The following TCF4 variants were observed in gnomAD, a reference collection of about 807,000 sequenced individuals.
The protein encoded by TCF4 is transcription factor 4, also known as SL3-3 enhancer factor 2.
In TCF4, 3 loss-of-function variants were observed where a neutral mutation model predicts 82.1. The ratio of observed to expected loss-of-function variants is 0.04; its 90% CI spans 0.02 to 0.09. TCF4 has a LOEUF of 0.09. Ranked by LOEUF, TCF4 falls within the 10% of genes least tolerant of loss-of-function variation. TCF4 has a pLI of 1.00. For synonymous variants in TCF4, 276 were observed against 309.6 expected, an observed-to-expected ratio of 0.89 and a Z score of 1.14; for missense variants, 518 against 852.7, an observed-to-expected ratio of 0.61 and a Z score of 4.89.
rs1049034296 is a variant in TCF4, at chr18:55,532,758, G to A, written c.145+52522C>T. On this transcript the variant is annotated intron_variant, in intron 3 of 19. Transcript: ENST00000354452. ...GGCAATTCCTGTCCCTTTACTCTTC[G>A]AAAGAGTTCACAGAAATGCCATGAC... Among the ~76,000 whole-genome samples, 169 of 152,062 alleles carry A rather than the reference G, an allele frequency of 1.1e-3. 1 individual carries two copies. The highest frequency in any genetic ancestry group is 2.6e-3 in the Admixed American group (39 of 15,266).
chr18:55,252,760 C>A (rs1033721222), intron 15 of TCF4, among the ~76,000 whole-genome samples: 1 of 152,044 alleles, frequency 6.6e-6, no homozygotes, highest in Non-Finnish European at 1.5e-5. Context: ...AACTATTTTT[C>A]TGTTGATTGA....
intron 3 of TCF4, among the ~76,000 whole-genome samples, chr18:55,544,967 C>T (rs2097193615): frequency 1.3e-5 from 2 of 152,148 alleles, no homozygotes; most frequent in Admixed American, 6.5e-5. Context: ...TCATGCACAG[C>T]CAGGTGTTAC....
intron 3 of TCF4, among the ~76,000 whole-genome samples, chr18:55,560,801 T>G (rs2097348809): frequency 6.6e-6 from 1 of 152,178 alleles, no homozygotes; most frequent in Non-Finnish European, 1.5e-5. Flanking sequence ...TGAACTCCTT[T>G]TTTTTTTCAG....
At chr18:55,278,004 C>G (rs548669029) in intron 9 of TCF4, among the ~76,000 whole-genome samples, 1 of 152,244 alleles carries the variant, frequency 6.6e-6, no homozygotes, top group East Asian at 1.9e-4. Context: ...TAGGACGGGT[C>G]ACAAAGTTAA....
At chr18:55,313,150 C>A (rs1228863117) in intron 8 of TCF4, among the ~76,000 whole-genome samples, 1 of 152,030 alleles carries the variant, frequency 6.6e-6, no homozygotes, top group Non-Finnish European at 1.5e-5. Context: ...CAGAGAAGAA[C>A]ATCATTTTTA....
intron 13 of TCF4, among the ~76,000 whole-genome samples, chr18:55,259,221 G>GT (rs2057515826): frequency 1.3e-5 from 2 of 151,976 alleles, no homozygotes; most frequent in South Asian, 2.1e-4. Flanking sequence ...CTGTTGTTTT[G>GT]TTTTTTTAAT....
At chr18:55,630,760 T>C (rs17527346) in intron 2 of TCF4, among the ~76,000 whole-genome samples, 3,232 of 152,268 alleles carry the variant, frequency 0.021, 69 homozygotes, top group Non-Finnish European at 0.026. Flanking sequence ...TATGAGACCA[T>C]ATAAATAGAG....
chr18:55,481,626 C>T (rs2096434411), intron 3 of TCF4, among the ~76,000 whole-genome samples: 8 of 152,200 alleles, frequency 5.3e-5, no homozygotes. Flanking sequence ...TTAAAAACAT[C>T]TAAATTCAGG....
chr18:55,585,529 C>G lies in TCF4; in HGVS notation c.73-177G>C, dbSNP rs1219465704. ...GAGAAACAACATTACAGATCCCACC[C>G]CAGCCCCCATTATCACTCTGTTCTT... On this transcript the variant is annotated intron_variant, in intron 2 of 19. Coordinates refer to ENST00000354452, the MANE Select transcript of TCF4 (RefSeq NM_001083962.2). The G allele has an allele frequency of 4.4e-6, 3 of 683,786 alleles. No individual in the cohort carries two copies. In the East Asian group the frequency reaches 8.6e-5, roughly 20 times the overall value. The allele number at this position is 683,786 out of a possible 1,614,324, so 42.4% of individuals were successfully genotyped here.
chr18:55,391,815 G>A (rs1228034520), intron 6 of TCF4, among the ~76,000 whole-genome samples: 1 of 150,970 alleles, frequency 6.6e-6, no homozygotes, highest in Non-Finnish European at 1.5e-5. Context: ...GCACACGCCT[G>A]TAATCCCAAC....
chr18:55,247,197 C>T (rs1568425607), intron 15 of TCF4, among the ~76,000 whole-genome samples: 1 of 152,210 alleles, frequency 6.6e-6, no homozygotes, highest in South Asian at 2.1e-4. Context: ...GTCTGTAACA[C>T]TGAGCCTCAT....
At chr18:55,509,342 C>T (rs1449874821) in intron 3 of TCF4, among the ~76,000 whole-genome samples, 1 of 152,086 alleles carries the variant, frequency 6.6e-6, no homozygotes, top group African/African-American at 2.4e-5. Flanking sequence ...CAGACACACA[C>T]ACACACACAC....
intron 3 of TCF4, among the ~76,000 whole-genome samples, chr18:55,566,798 T>A (rs1338803808): frequency 6.6e-6 from 1 of 152,064 alleles, no homozygotes; most frequent in East Asian, 1.9e-4. Context: ...GAGAACAGAA[T>A]GAATAAAGGA....
exon 1 of TCF4, chr18:55,635,716 C>T: frequency 3.2e-6 from 5 of 1,549,888 alleles, no homozygotes; most frequent in Non-Finnish European, 4.4e-6. Flanking sequence ...CAAGGGCCTC[C>T]TGGAGAAGCT....
At chr18:55,321,292 T>G (rs2075426474) in intron 8 of TCF4, 1 of 240,598 alleles carries the variant, frequency 4.2e-6, no homozygotes, top group African/African-American at 2.3e-5. Context: ...GCTTTCTCAA[T>G]TCTGCTTCTC....
intron 5 of TCF4, 182 bp from the exon 6 acceptor site, chr18:55,403,700 A>G: frequency 6.5e-7 from 1 of 1,545,808 alleles, no homozygotes; most frequent in Non-Finnish European, 8.7e-7. Flanking sequence ...TAAACTGGAA[A>G]AAAATATCCT....
chr18:55,625,015 T>C (rs941997283), intron 2 of TCF4, among the ~76,000 whole-genome samples: 2 of 152,188 alleles, frequency 1.3e-5, no homozygotes, highest in African/African-American at 4.8e-5. Flanking sequence ...AGATTGTTTC[T>C]AGAAATTATG....
intron 2 of TCF4, among the ~76,000 whole-genome samples, chr18:55,623,310 C>G (rs2147991264): frequency 6.6e-6 from 1 of 152,096 alleles, no homozygotes; most frequent in Non-Finnish European, 1.5e-5. Flanking sequence ...TTCTTTTTCC[C>G]TTTTATATTT....
At position 55,533,196 on chromosome 18, in the gene TCF4, C is replaced by T. The variant is rs558694528; in HGVS notation, c.145+52084G>A. The stretch of plus-strand genomic sequence containing the variant: ...TGATTAAAGTCTGCCAATCAACAAC[C>T]GCAATAAAACCAGCCTCCCAGGGAG... On this transcript the variant is annotated intron_variant, in intron 3 of 19. Coordinates refer to ENST00000354452, the MANE Select transcript of TCF4 (RefSeq NM_001083962.2). 3.7e-4 allele frequency among the ~76,000 whole-genome samples: 56 copies of T among 152,200 alleles called. No individual in the cohort carries two copies. The South Asian group carries it at 9.8e-3, about 27-fold the overall frequency.
Sources: gnomAD v4.1 joint callset for allele counts (sites outside exome capture counted in the v4.1 genomes callset) on GRCh38, gnomAD v4.1.1 for gene constraint, MANE v1.5 for transcripts, NCBI Gene and HGNC (gene_info 2026-07-23, HGNC 2026-07-21) for gene names.